ZNF148: variants seen among roughly 807,000 people sequenced by gnomAD.
The protein encoded by ZNF148 is zinc finger protein 148.
A neutral mutation model predicts 67.7 loss-of-function variants in ZNF148; 7 were observed. The observed-to-expected ratio is 0.10, with a 90% CI of 0.06 to 0.19. The LOEUF is 0.19. ZNF148 is among the 10% of genes least tolerant of loss of function. ZNF148 has a pLI of 1.00. For synonymous variants in ZNF148, 333 were observed against 330.7 expected (o/e 1.01, Z -0.08); for missense variants, 583 against 947.1 (o/e 0.62, Z 5.05).
At chr3:125,236,124 T>C (rs1333530687) in intron 7 of ZNF148, among the ~76,000 whole-genome samples, 1 of 152,032 alleles carries the variant, frequency 6.6e-6, no homozygotes, top group Non-Finnish European at 1.5e-5. Flanking sequence ...TTATATTTAA[T>C]TATTTTGCAT....
chr3:125,275,883 C>A lies in ZNF148; in HGVS notation c.667+1843G>T, dbSNP rs188253904. Reference sequence around the variant, plus strand: ...CACACACATATATTCTTAACTTAGCCTCATGTGGCTTTTCTGTGACACCTG... The same window carrying A: ...CACACACATATATTCTTAACTTAGCATCATGTGGCTTTTCTGTGACACCTG... On this transcript the variant is annotated intron_variant, in intron 7 of 8. Transcript: ENST00000360647. 2.6e-5 allele frequency among the ~76,000 whole-genome samples: 4 copies of A among 152,258 alleles called. No homozygotes were observed. The East Asian group carries it at 7.7e-4, about 29-fold the overall frequency.
At chr3:125,319,857 T>C (rs190660268) in intron 3 of ZNF148, among the ~76,000 whole-genome samples, 14 of 152,360 alleles carry the variant, frequency 9.2e-5, no homozygotes, top group Admixed American at 4.6e-4. Flanking sequence ...CACTATTTCC[T>C]GACTTTAAAA....
intron 5 of ZNF148, 75 bp from the exon 6 acceptor site, chr3:125,279,322 AAGAT>A (rs772639300): frequency 5.0e-5 from 61 of 1,221,218 alleles, no homozygotes; most frequent in Admixed American, 1.9e-4. Flanking sequence ...TTTTAAAAAA[AAGAT>A]AATGCAAACA....
chr3:125,312,849 C>T (rs1272441499), intron 4 of ZNF148, among the ~76,000 whole-genome samples: 3 of 151,964 alleles, frequency 2.0e-5, no homozygotes, highest in Admixed American at 2.0e-4. Flanking sequence ...GGCTGATATA[C>T]TTTAAAAAGA....
chr3:125,353,892 A>C (rs1166705169), intron 1 of ZNF148, among the ~76,000 whole-genome samples: 1 of 152,220 alleles, frequency 6.6e-6, no homozygotes, highest in Non-Finnish European at 1.5e-5. Flanking sequence ...TGGGCAACAT[A>C]GCAAGACCCC....
rs1935608464 is a variant in ZNF148 at position 125,225,753 on chromosome 3, C to T, written c.*6588G>A. The stretch of plus-strand genomic sequence containing the variant: ...ATGTAGAATATCTCCCCTCCCCTCT[C>T]CCCACCATTCCTAATCATTCAAGAA... On this transcript the variant is annotated 3_prime_UTR_variant, in exon 9 of 9. Transcript: ENST00000360647. 1 of 152,164 alleles carries T rather than the reference C, an allele frequency of 6.6e-6. No individual in the cohort carries two copies. Among genetic ancestry groups the T allele is most frequent in the African/African-American group, 2.4e-5 (1 of 41,432 alleles). 9.4% of individuals were successfully genotyped at this position (152,164 alleles called of 1,614,324 possible).
chr3:125,355,197 A>G (rs1942296790), intron 1 of ZNF148, among the ~76,000 whole-genome samples: 1 of 152,222 alleles, frequency 6.6e-6, no homozygotes, highest in East Asian at 1.9e-4. Flanking sequence ...AACATTGGAA[A>G]AAGATTTATA....
chr3:125,302,377 CAAAAAAAAAAAAG>C (rs1939639380), intron 4 of ZNF148, among the ~76,000 whole-genome samples: 1 of 113,408 alleles, frequency 8.8e-6, no homozygotes, highest in South Asian at 2.7e-4. Flanking sequence ...GACCCTGTCT[CAAAAAAAAAAAAG>C]AAAAAAAGAA....
At chr3:125,337,522 A>G (rs771191746) in intron 1 of ZNF148, among the ~76,000 whole-genome samples, 15 of 152,344 alleles carry the variant, frequency 9.8e-5, no homozygotes, top group Admixed American at 2.6e-4. Context: ...TTTACTGAAT[A>G]AACATTAATT....
At position 125,348,679 on chromosome 3, in the gene ZNF148, A is replaced by G. The variant is rs148598129; in HGVS notation, c.-233-17441T>C. On this transcript the variant is annotated intron_variant, in intron 1 of 8. Transcript: ENST00000360647. ...ATGTTAAAATGTCCATACTACTCAC[A>G]GCGATGTACAGATTCAATACGATCT... Among the ~76,000 whole-genome samples the G allele has an allele frequency of 2.6e-4, 40 of 152,312 alleles. 1 individual carries two copies. In the Middle Eastern group the frequency reaches 0.01, roughly 39 times the overall value.
At chr3:125,251,323 TAG>T (rs1165974953) in intron 7 of ZNF148, among the ~76,000 whole-genome samples, 4 of 152,180 alleles carry the variant, frequency 2.6e-5, no homozygotes, top group Non-Finnish European at 5.9e-5. Flanking sequence ...TTAAAGCATA[TAG>T]AAAGTACACA....
At chr3:125,352,701 T>C (rs530402196) in intron 1 of ZNF148, among the ~76,000 whole-genome samples, 2 of 150,032 alleles carry the variant, frequency 1.3e-5, no homozygotes, top group East Asian at 2.0e-4. Flanking sequence ...AATTCAACTA[T>C]AGGTTTATTC....
chr3:125,276,345 A>G (rs1938063089), intron 7 of ZNF148, among the ~76,000 whole-genome samples: 1 of 152,166 alleles, frequency 6.6e-6, no homozygotes, highest in African/African-American at 2.4e-5. Context: ...GAAACTAGTA[A>G]TGTGCAAAAT....
intron 1 of ZNF148, among the ~76,000 whole-genome samples, chr3:125,373,842 G>C (rs766153417): frequency 6.6e-6 from 1 of 152,162 alleles, no homozygotes; most frequent in African/African-American, 2.4e-5. Context: ...AGCTACAAAT[G>C]AAGTATCTAA....
At chr3:125,244,645 G>A (rs996891107) in intron 7 of ZNF148, among the ~76,000 whole-genome samples, 1 of 151,994 alleles carries the variant, frequency 6.6e-6, no homozygotes, top group Non-Finnish European at 1.5e-5. Flanking sequence ...TTACAGGCAT[G>A]CACCACCATG....
At chr3:125,249,106 T>C (rs1936725046) in intron 7 of ZNF148, among the ~76,000 whole-genome samples, 1 of 152,192 alleles carries the variant, frequency 6.6e-6, no homozygotes, top group Admixed American at 6.5e-5. Context: ...GAAAGCTCCT[T>C]GACATGGGTC....
intron 1 of ZNF148, among the ~76,000 whole-genome samples, chr3:125,339,391 T>C (rs756584878): frequency 1.3e-5 from 2 of 152,240 alleles, no homozygotes; most frequent in African/African-American, 2.4e-5. Flanking sequence ...ATTACGGGAA[T>C]AGTTGAAACA....
At chr3:125,319,983 C>G (rs888632144) in intron 3 of ZNF148, among the ~76,000 whole-genome samples, 1 of 152,222 alleles carries the variant, frequency 6.6e-6, no homozygotes, top group African/African-American at 2.4e-5. Context: ...CCTTAGCTGA[C>G]TACTCCACCT....
chr3:125,277,236 T>A (rs571125901), intron 7 of ZNF148, among the ~76,000 whole-genome samples: 7 of 152,332 alleles, frequency 4.6e-5, no homozygotes, highest in Admixed American at 1.3e-4. Flanking sequence ...TGTTCCTTTA[T>A]AGTAATCCTC....
Sources: gnomAD v4.1 joint callset for allele counts (sites outside exome capture counted in the v4.1 genomes callset) on GRCh38, gnomAD v4.1.1 for gene constraint, MANE v1.5 for transcripts, NCBI Gene and HGNC (gene_info 2026-07-23, HGNC 2026-07-21) for gene names.